AMD1: variants seen among roughly 807,000 people sequenced by gnomAD.
The protein encoded by AMD1 is adenosylmethionine decarboxylase 1.
A neutral mutation model predicts 40.2 loss-of-function variants in AMD1; 11 were observed. The observed-to-expected ratio is 0.27, with a 90% CI of 0.17 to 0.45. The LOEUF is 0.45. Ranked by LOEUF, AMD1 falls within the 20% of genes least tolerant of loss-of-function variation. AMD1 has a pLI of 1.00. For missense variants in AMD1, 257 were observed against 410.2 expected, an observed-to-expected ratio of 0.63 and a Z score of 3.23; for synonymous variants, 121 against 130.8, an observed-to-expected ratio of 0.93 and a Z score of 0.51.
chr6:110,891,942 C>T, intron 4 of AMD1: 1 of 583,126 alleles, frequency 1.7e-6, no homozygotes, highest in African/African-American at 1.9e-5. Flanking sequence ...GGGGTTTCAT[C>T]ATGTTGGCCA....
At chr6:110,864,481 A>G in the AMD1 span, 16 of 154,312 alleles carry the variant, frequency 1.0e-4, no homozygotes, top group Non-Finnish European at 2.4e-4. Flanking sequence ...AATTCCCCCA[A>G]AAGACCAATA....
At chr6:110,868,398 C>T in the AMD1 span, among the ~76,000 whole-genome samples, 11 of 152,106 alleles carry the variant, frequency 7.2e-5, no homozygotes, top group Admixed American at 3.3e-4. Flanking sequence ...ATCTGCCTGC[C>T]TTGGACTCCA....
At chr6:110,870,590 C>T (rs188251830), upstream of AMD1, among the ~76,000 whole-genome samples, 16 of 152,236 alleles carry the variant, frequency 1.1e-4, no homozygotes, top group Middle Eastern at 6.8e-3. Flanking sequence ...AGCCACTGCA[C>T]CCCAGCCTGG....
chr6:110,881,476 A>T (rs559913424), intron 1 of AMD1, among the ~76,000 whole-genome samples: 14 of 152,274 alleles, frequency 9.2e-5, no homozygotes, highest in African/African-American at 3.1e-4. Flanking sequence ...GGAAATACTC[A>T]ATCTACATAT....
chr6:110,832,199 G>T, the AMD1 span, among the ~76,000 whole-genome samples: 1 of 151,082 alleles, frequency 6.6e-6, no homozygotes, highest in South Asian at 2.1e-4. Context: ...TAGAGACAGG[G>T]TTTTACCATA....
At chr6:110,863,996 G>A in the AMD1 span, 4 of 424,468 alleles carry the variant, frequency 9.4e-6, no homozygotes, top group Non-Finnish European at 1.8e-5. Flanking sequence ...TTTCGCTCTT[G>A]TTGCCCAGGC....
the AMD1 span, chr6:110,858,198 C>T: frequency 1.4e-6 from 1 of 698,814 alleles, no homozygotes; most frequent in Non-Finnish European, 2.6e-6. Flanking sequence ...GCCAGGCCGT[C>T]TGTTTCGTCC....
At chr6:110,884,902 G>T (rs879836897) in intron 1 of AMD1, among the ~76,000 whole-genome samples, 1 of 152,300 alleles carries the variant, frequency 6.6e-6, no homozygotes, top group African/African-American at 2.4e-5. Context: ...TGGGAAGTCA[G>T]TAGGTGATGA....
the AMD1 span, among the ~76,000 whole-genome samples, chr6:110,865,844 C>T: frequency 1.3e-5 from 2 of 151,960 alleles, no homozygotes; most frequent in Non-Finnish European, 2.9e-5. Context: ...CTCACTGCAA[C>T]CTCTACCTCC....
At chr6:110,826,592 A>C in the AMD1 span, among the ~76,000 whole-genome samples, 3 of 152,058 alleles carry the variant, frequency 2.0e-5, no homozygotes, top group Non-Finnish European at 2.9e-5. Context: ...AAGCCTCGGC[A>C]GTCCTTGCTT....
the AMD1 span, among the ~76,000 whole-genome samples, chr6:110,836,012 C>CAAAAAAAA: frequency 1.6e-5 from 1 of 60,754 alleles, no homozygotes; most frequent in Non-Finnish European, 3.2e-5. Context: ...GACCTTGACT[C>CAAAAAAAA]AAAAAAAAAA....
chr6:110,838,232 T>G, the AMD1 span, among the ~76,000 whole-genome samples: 16 of 149,708 alleles, frequency 1.1e-4, no homozygotes, highest in African/African-American at 3.4e-4. Flanking sequence ...CTACTAAAAG[T>G]ACAAAAATTA....
In AMD1 at chr6:110,890,239, TC is replaced by T; in HGVS notation, c.325-14del. ...AAGTCATCTTTTTTTTTCTTTCTTT[TC>T]TTTTTTAATAAAGAGCTTCTTTTAT... On this transcript the variant is annotated splice_polypyrimidine_tract_variant and intron_variant, in intron 3 of 8. Transcript: ENST00000368885. 1 of 1,525,148 alleles carries T rather than the reference TC, an allele frequency of 6.6e-7. No homozygotes were observed. The highest frequency in any genetic ancestry group is 2.3e-5 in the East Asian group (1 of 43,960). 94.5% of individuals were successfully genotyped at this position (1,525,148 alleles called of 1,614,324 possible). A position where few individuals can be genotyped will look rare whatever the true frequency, so the allele number is the denominator to read the frequency against.
the AMD1 span, among the ~76,000 whole-genome samples, chr6:110,831,146 A>G: frequency 6.6e-6 from 1 of 151,970 alleles, no homozygotes; most frequent in African/African-American, 2.4e-5. Context: ...ATTTTTTGAA[A>G]TGTATTTTTA....
chr6:110,894,890 A>G lies in AMD1; in HGVS notation c.*1274A>G, dbSNP rs978237570. The G allele has an allele frequency of 2.0e-5, 3 of 152,208 alleles. No homozygotes were observed. The highest frequency in any genetic ancestry group is 1.3e-4 in the Admixed American group (2 of 15,280). 9.4% of individuals were successfully genotyped at this position (152,208 alleles called of 1,614,324 possible). ...AGGATGAAATGAATGACTGCCCAGA[A>G]TGAGAATTTGTCCAGATTATTCAGA... On this transcript the variant is annotated 3_prime_UTR_variant, in exon 9 of 9. Coordinates refer to ENST00000368885, the MANE Select transcript of AMD1 (RefSeq NM_001634.6).
At position 110,875,640 on chromosome 6, in the gene AMD1, TAGTC is replaced by T. The variant is rs5879080; in HGVS notation, c.110+428_110+431del. On this transcript the variant is annotated intron_variant, in intron 1 of 8. Coordinates refer to ENST00000368885, the MANE Select transcript of AMD1 (RefSeq NM_001634.6). ...TCCGGCAGGTGTGGCTCGGCGGGCT[TAGTC>T]AGGCGCTAATTCGGGCGTGCCGGCT... 2.4e-3 allele frequency: 380 copies of T among 157,732 alleles called. 5 individuals are homozygous for T. Among genetic ancestry groups the T allele is most frequent in the Admixed American group, 0.022 (334 of 15,422 alleles). 9.8% of individuals were successfully genotyped at this position (157,732 alleles called of 1,614,324 possible).
chr6:110,882,761 G>C (rs1338306122), intron 1 of AMD1, among the ~76,000 whole-genome samples: 1 of 152,130 alleles, frequency 6.6e-6, no homozygotes, highest in African/African-American at 2.4e-5. Context: ...GATTACCGGA[G>C]CATTACTATT....
chr6:110,857,606 ATGGT>A, the AMD1 span, among the ~76,000 whole-genome samples: 131 of 144,812 alleles, frequency 9.0e-4, no homozygotes, highest in South Asian at 1.5e-3. Context: ...ATATATATAT[ATGGT>A]ATATATATAG....
chr6:110,885,021 C>T (rs1054952180), intron 1 of AMD1, among the ~76,000 whole-genome samples: 59 of 152,320 alleles, frequency 3.9e-4, no homozygotes, highest in African/African-American at 1.4e-3. Context: ...TATTTACCTT[C>T]ATATTCAGGA....
Sources: gnomAD v4.1 joint callset for allele counts (sites outside exome capture counted in the v4.1 genomes callset) on GRCh38, gnomAD v4.1.1 for gene constraint, MANE v1.5 for transcripts, NCBI Gene and HGNC (gene_info 2026-07-23, HGNC 2026-07-21) for gene names.